Variants in TRIP12 observed in about 807,000 individuals in gnomAD.
The protein encoded by TRIP12 is thyroid hormone receptor interactor 12.
A neutral mutation model predicts 244.2 loss-of-function variants in TRIP12; 25 were observed. That is an observed-to-expected ratio of 0.10 (90% CI 0.07 to 0.14). The LOEUF (loss-of-function observed/expected upper bound fraction) is 0.14. Among genes scored for constraint, TRIP12 ranks in the 10% least tolerant of loss-of-function variants. The pLI is 1.00. For synonymous variants in TRIP12, 905 were observed against 873.1 expected, an observed-to-expected ratio of 1.04 and a Z score of -0.64; for missense variants, 1,677 against 2,486.4, an observed-to-expected ratio of 0.67 and a Z score of 6.92.
At chr2:229,780,843 A>G (rs942429644) in intron 34 of TRIP12, among the ~76,000 whole-genome samples, 1 of 152,142 alleles carries the variant, frequency 6.6e-6, no homozygotes, top group Admixed American at 6.6e-5. Context: ...AAGCTCCATC[A>G]TGGGGGTGGG....
At chr2:229,771,468 C>T in intron 39 of TRIP12, 51 bp downstream of exon 39, 1 of 1,498,280 alleles carries the variant, frequency 6.7e-7, no homozygotes, top group Non-Finnish European at 9.3e-7. Flanking sequence ...CACAGAAACA[C>T]TCCACTAAAA....
chr2:229,799,517 C>CTA, intron 21 of TRIP12, 134 bp from the exon 22 acceptor site: 2 of 735,262 alleles, frequency 2.7e-6, no homozygotes, highest in South Asian at 1.6e-5. Flanking sequence ...TGGCTCACGC[C>CTA]TGTAATCCCA....
In TRIP12 at chr2:229,839,370, T is replaced by C. The variant is rs548518087; in HGVS notation, c.1133+1452A>G. On this transcript the variant is annotated intron_variant, in intron 5 of 41. Coordinates refer to ENST00000675903, the MANE Select transcript of TRIP12 (RefSeq NM_001348323.3). The stretch of plus-strand genomic sequence containing the variant: ...CTAATGACACATATCTCAGAACGTG[T>C]CCTCCTCATTAAAAGTGGCATGACT... 4.6e-5 allele frequency among the ~76,000 whole-genome samples: 7 copies of C among 152,238 alleles called. No homozygotes were observed. In the South Asian group the frequency reaches 1.5e-3, roughly 32 times the overall value.
intron 1 of TRIP12, among the ~76,000 whole-genome samples, chr2:229,906,517 C>T (rs2072874642): frequency 6.7e-6 from 1 of 149,414 alleles, no homozygotes; most frequent in African/African-American, 2.5e-5. Flanking sequence ...GTCAAGAGAT[C>T]GAGACCATCC....
chr2:229,771,176 C>T (rs1439517551), intron 39 of TRIP12, among the ~76,000 whole-genome samples: 1 of 152,224 alleles, frequency 6.6e-6, no homozygotes, highest in African/African-American at 2.4e-5. Flanking sequence ...GTCAAGCCCC[C>T]TCCATGTCTC....
At chr2:229,873,610 G>T (rs945203908) in intron 2 of TRIP12, among the ~76,000 whole-genome samples, 1 of 152,076 alleles carries the variant, frequency 6.6e-6, no homozygotes. Context: ...ACTTTTCTCT[G>T]AATAGTTCTT....
intron 8 of TRIP12, among the ~76,000 whole-genome samples, chr2:229,826,703 T>C (rs2051715265): frequency 6.6e-6 from 1 of 152,208 alleles, no homozygotes; most frequent in Admixed American, 6.5e-5. Flanking sequence ...TAGAAACCTG[T>C]ACAGCATGTT....
chr2:229,787,895 C>T (rs908014015), intron 32 of TRIP12, among the ~76,000 whole-genome samples: 4 of 152,128 alleles, frequency 2.6e-5, no homozygotes, highest in Non-Finnish European at 4.4e-5. Flanking sequence ...CGCCACCTCC[C>T]GGGCTCTTGC....
At chr2:229,885,579 G>C (rs1429049251) in intron 1 of TRIP12, among the ~76,000 whole-genome samples, 5 of 152,104 alleles carry the variant, frequency 3.3e-5, no homozygotes, top group African/African-American at 1.2e-4. Context: ...GTGTGGTAAG[G>C]GGCAGCATAT....
intron 2 of TRIP12, among the ~76,000 whole-genome samples, chr2:229,878,453 A>G (rs2064076435): frequency 1.3e-5 from 2 of 151,786 alleles, no homozygotes; most frequent in African/African-American, 4.8e-5. Flanking sequence ...TAAAAAAAAA[A>G]AAAAAGAAAA....
At chr2:229,901,035 G>A (rs1457050694) in intron 1 of TRIP12, among the ~76,000 whole-genome samples, 1 of 150,794 alleles carries the variant, frequency 6.6e-6, no homozygotes, top group African/African-American at 2.4e-5. Context: ...CCGGGCTCAA[G>A]CAACTCTCCT....
At position 229,818,509 on chromosome 2, in the gene TRIP12, G is replaced by C; in HGVS notation, c.1454C>G (p.Ser485Cys). 6.2e-7 allele frequency: 1 copy of C among 1,612,856 alleles called. No individual in the cohort carries two copies. The highest frequency in any genetic ancestry group is 8.5e-7 in the Non-Finnish European group (1 of 1,179,562). Residue 485 changes from serine (S) to cysteine (C), a missense_variant, in exon 9 of 42, where the codon TCT becomes TGT. Ser to Cys is a moderately radical substitution (Grantham distance 112). Transcript: ENST00000675903. ...TCCTTGTAGTAGCTGCTGGGCCTTA[G>C]AACCTTTAGAGAAAAAAATAATTAT... The part of the protein sequence containing the change: ...FHRTIGSGAS[S>C]KAQQLLQGLQ...
chr2:229,913,962 GTA>G (rs2074862335), intron 1 of TRIP12, among the ~76,000 whole-genome samples: 2 of 152,260 alleles, frequency 1.3e-5, no homozygotes, highest in South Asian at 4.1e-4. Context: ...TTAAGTGTAA[GTA>G]TATATATTTC....
chr2:229,825,655 TG>T (rs1233409363), intron 8 of TRIP12, among the ~76,000 whole-genome samples: 1 of 152,068 alleles, frequency 6.6e-6, no homozygotes, highest in Non-Finnish European at 1.5e-5. Flanking sequence ...GAGAACAGCA[TG>T]GGGGAAAACA....
At chr2:229,861,962 C>T (rs575964662) in intron 2 of TRIP12, among the ~76,000 whole-genome samples, 2 of 152,224 alleles carry the variant, frequency 1.3e-5, no homozygotes, top group East Asian at 1.9e-4. Flanking sequence ...TGAAAGGACA[C>T]ATATACTTCA....
chr2:229,780,365 C>A (rs538147996), intron 34 of TRIP12, among the ~76,000 whole-genome samples: 2 of 152,330 alleles, frequency 1.3e-5, no homozygotes, highest in South Asian at 4.1e-4. Flanking sequence ...GTCATCTGGT[C>A]CACTGCTAAA....
chr2:229,827,548 G>A (rs563345690), intron 8 of TRIP12, among the ~76,000 whole-genome samples: 10 of 151,972 alleles, frequency 6.6e-5, no homozygotes, highest in African/African-American at 2.2e-4. Flanking sequence ...AGGCCTGCAC[G>A]GGATGAAGAT....
intron 4 of TRIP12, among the ~76,000 whole-genome samples, chr2:229,844,212 G>A (rs1470908511): frequency 6.6e-6 from 1 of 152,076 alleles, no homozygotes; most frequent in Non-Finnish European, 1.5e-5. Flanking sequence ...TACTTTCCTT[G>A]TCTACTTGAA....
chr2:229,917,069 T>C (rs1236307392), intron 1 of TRIP12, among the ~76,000 whole-genome samples: 2 of 152,060 alleles, frequency 1.3e-5, no homozygotes, highest in Non-Finnish European at 2.9e-5. Context: ...AAGCTTACAT[T>C]ACACTACACG....
Sources: allele counts gnomAD v4.1 joint callset (sites outside exome capture counted in the v4.1 genomes callset), GRCh38; gene constraint gnomAD v4.1.1; transcripts MANE v1.5; gene names NCBI Gene and HGNC (gene_info 2026-07-23, HGNC 2026-07-21).